The following SNX29 variants were observed in gnomAD, a reference collection of about 807,000 sequenced individuals.
SNX29 encodes the protein sorting nexin-29.
Under a neutral mutation model 102.1 loss-of-function variants are expected in SNX29, and 78 were observed. The ratio of observed to expected loss-of-function variants is 0.76; its 90% CI spans 0.64 to 0.92. SNX29 has a LOEUF of 0.92. SNX29 is among the 40% of genes least tolerant of loss of function. The pLI, the probability that SNX29 is intolerant of heterozygous loss-of-function variation, is 0.00. For missense variants in SNX29, 1,280 were observed against 1,061.7 expected (o/e 1.21, Z -2.86); for synonymous variants, 580 against 414.5 (o/e 1.40, Z -4.85).
At chr16:12,124,594 A>G (rs898811408) in intron 11 of SNX29, among the ~76,000 whole-genome samples, 2 of 152,182 alleles carry the variant, frequency 1.3e-5, no homozygotes, top group African/African-American at 4.8e-5. Context: ...TTCATTTCAC[A>G]TATTTAAACA....
Position 12,048,586 on chromosome 16 carries a change from C to T in SNX29, c.714C>T (p.Asp238=). ...SILIKPEQET[D]PLPVVSRNVS... ...TCATCAAACCTGAACAGGAGACCGACCCCTTGCCTGTCGTGTCCAGGAATG... is the reference window on the plus strand; with the variant it reads ...TCATCAAACCTGAACAGGAGACCGATCCCTTGCCTGTCGTGTCCAGGAATG... The change falls in exon 7 of 21, where the codon GAC becomes GAT. Residue 238 remains aspartate (D), a synonymous_variant. Coordinates refer to ENST00000566228, the MANE Select transcript of SNX29 (RefSeq NM_032167.5). 1.9e-6 allele frequency: 3 copies of T among 1,613,952 alleles called. No homozygotes were observed. The highest frequency in any genetic ancestry group is 2.2e-5 in the South Asian group (2 of 91,074).
At chr16:11,982,139 G>A (rs2055431428) in intron 1 of SNX29, among the ~76,000 whole-genome samples, 1 of 152,086 alleles carries the variant, frequency 6.6e-6, no homozygotes, top group Non-Finnish European at 1.5e-5. Context: ...ATTCATATAT[G>A]TATGTAGACC....
intron 18 of SNX29, among the ~76,000 whole-genome samples, chr16:12,471,129 C>T (rs1481302168): frequency 2.0e-5 from 3 of 152,294 alleles, no homozygotes; most frequent in South Asian, 2.1e-4. Flanking sequence ...CGTTCCTATG[C>T]TTGGCACACC....
chr16:12,285,058 C>T (rs1393701494), intron 15 of SNX29, among the ~76,000 whole-genome samples: 1 of 152,182 alleles, frequency 6.6e-6, no homozygotes, highest in East Asian at 1.9e-4. Context: ...CTGATTTCCC[C>T]ACTTTTCTGC....
intron 12 of SNX29, among the ~76,000 whole-genome samples, chr16:12,128,030 T>A (rs1185945542): frequency 6.6e-6 from 1 of 152,108 alleles, no homozygotes; most frequent in African/African-American, 2.4e-5. Context: ...CAAACCTCAT[T>A]TTTGGTCCTG....
Position 12,128,747 on chromosome 16 carries a change from C to A in SNX29, c.1467-883C>A, listed in dbSNP as rs187081465. 1.1e-4 allele frequency among the ~76,000 whole-genome samples: 16 copies of A among 152,224 alleles called. No homozygotes were observed. The East Asian group carries it at 2.9e-3, about 28-fold the overall frequency. ...GATTACAGGCGTGAGCCACCCTGCC[C>A]GGCCTTGTTTTTGCTTATATCCTGA... is the stretch of plus-strand genomic sequence containing the variant. On this transcript the variant is annotated intron_variant, in intron 12 of 20. Transcript: ENST00000566228.
intron 15 of SNX29, among the ~76,000 whole-genome samples, chr16:12,334,331 T>C (rs1183200099): frequency 1.3e-5 from 2 of 152,132 alleles, no homozygotes; most frequent in African/African-American, 4.8e-5. Flanking sequence ...TGAGAGACTT[T>C]GAGGTCTGGG....
chr16:12,556,024 T>C (rs981951253), intron 20 of SNX29, among the ~76,000 whole-genome samples: 2 of 152,252 alleles, frequency 1.3e-5, no homozygotes, highest in South Asian at 2.1e-4. Flanking sequence ...ACTCATGCCA[T>C]GCCACCGTAG....
chr16:12,011,646 T>C (rs140444950), intron 3 of SNX29, among the ~76,000 whole-genome samples: 83 of 152,294 alleles, frequency 5.4e-4, no homozygotes, highest in African/African-American at 2.0e-3. Context: ...TGAGAAATAC[T>C]GCCTAGGCCA....
intron 15 of SNX29, among the ~76,000 whole-genome samples, chr16:12,342,672 C>G (rs944423379): frequency 6.6e-6 from 1 of 152,156 alleles, no homozygotes; most frequent in Non-Finnish European, 1.5e-5. Context: ...CATGTAAGAG[C>G]TCCTATGGCC....
At chr16:12,308,336 G>A (rs547543662) in intron 15 of SNX29, among the ~76,000 whole-genome samples, 8 of 152,192 alleles carry the variant, frequency 5.3e-5, no homozygotes, top group Non-Finnish European at 1.2e-4. Flanking sequence ...TAATGTGAAC[G>A]TTTCCCTCAT....
rs1271948579 is a variant in SNX29 at position 12,570,906 on chromosome 16, C to T, written c.*2277C>T. On this transcript the variant is annotated 3_prime_UTR_variant, in exon 21 of 21. Transcript: ENST00000566228. Reference sequence around the variant, plus strand: ...CTGAATTATTCACAAAAAACCTGGTCTGCTCTCCAAAATGAGAGCATGTTC... The same window carrying T: ...CTGAATTATTCACAAAAAACCTGGTTTGCTCTCCAAAATGAGAGCATGTTC... 4.5e-6 allele frequency: 1 copy of T among 224,258 alleles called. No individual in the cohort carries two copies. Among genetic ancestry groups the T allele is most frequent in the Non-Finnish European group, 8.7e-6 (1 of 114,610 alleles). The allele number at this position is 224,258 out of a possible 1,614,324, so 13.9% of individuals were successfully genotyped here. A position where few individuals can be genotyped will look rare whatever the true frequency, so the allele number is the denominator to read the frequency against.
intron 16 of SNX29, among the ~76,000 whole-genome samples, chr16:12,396,124 G>T (rs925813235): frequency 1.3e-5 from 2 of 152,292 alleles, no homozygotes; most frequent in Middle Eastern, 6.8e-3. Context: ...TCCTGGGTAC[G>T]CATATCCCCT....
At chr16:12,166,511 G>A (rs1212096805) in intron 13 of SNX29, among the ~76,000 whole-genome samples, 1 of 152,212 alleles carries the variant, frequency 6.6e-6, no homozygotes, top group Non-Finnish European at 1.5e-5. Context: ...ATAGGCAGCC[G>A]AGTCTTGTAG....
At chr16:12,543,666 G>A (rs566470235) in intron 20 of SNX29, among the ~76,000 whole-genome samples, 1 of 152,232 alleles carries the variant, frequency 6.6e-6, no homozygotes, top group Non-Finnish European at 1.5e-5. Context: ...CGCTCTTCCA[G>A]CCTGCATTCA....
At chr16:12,550,595 G>C (rs1006814872) in intron 20 of SNX29, among the ~76,000 whole-genome samples, 1 of 150,818 alleles carries the variant, frequency 6.6e-6, no homozygotes, top group Non-Finnish European at 1.5e-5. Context: ...GCATACATAC[G>C]TGCTTCTATG....
At chr16:12,402,238 A>C (rs148499242) in intron 17 of SNX29, among the ~76,000 whole-genome samples, 1 of 152,236 alleles carries the variant, frequency 6.6e-6, no homozygotes, top group Non-Finnish European at 1.5e-5. Flanking sequence ...AAGAAATGCT[A>C]TTTCAGGAGA....
chr16:12,199,607 C>T lies in SNX29; in HGVS notation c.1602C>T (p.Asn534=), dbSNP rs773338271. The change falls in exon 14 of 21, where the codon AAC becomes AAT. Residue 534 remains asparagine (N), a synonymous_variant. Transcript: ENST00000566228. ...GMKVQALARE[N]EVLKVQLKKY... is the part of the protein sequence containing the mutation. ...AACATTCTTGTACCTGCAGAGAGAA[C>T]GAGGTGCTCAAAGTCCAACTGAAGA... is the stretch of plus-strand genomic sequence containing the variant. 42 of 1,612,066 alleles carry T rather than the reference C, an allele frequency of 2.6e-5. No homozygotes were observed. The highest frequency in any genetic ancestry group is 5.0e-5 in the Admixed American group (3 of 59,888).
chr16:12,078,445 A>G (rs541546305), intron 10 of SNX29, among the ~76,000 whole-genome samples: 4 of 152,146 alleles, frequency 2.6e-5, no homozygotes, highest in Non-Finnish European at 1.5e-5. Flanking sequence ...AAAGAAAGAA[A>G]AGTGGAAAAA....
Sources: allele counts gnomAD v4.1 joint callset (sites outside exome capture counted in the v4.1 genomes callset), GRCh38; gene constraint gnomAD v4.1.1; transcripts MANE v1.5; gene names NCBI Gene and HGNC (gene_info 2026-07-23, HGNC 2026-07-21).